The following SDK1 variants were observed in gnomAD, a reference collection of about 807,000 sequenced individuals.
The protein encoded by SDK1 is protein sidekick-1.
A neutral mutation model predicts 245.5 loss-of-function variants in SDK1; 157 were observed. The observed-to-expected ratio is 0.64, with a 90% CI of 0.56 to 0.73. SDK1 has a LOEUF of 0.73. Among genes scored for constraint, SDK1 ranks in the 30% least tolerant of loss-of-function variants. The pLI is 0.00. For synonymous variants in SDK1, 1,647 were observed against 1,278.5 expected, an observed-to-expected ratio of 1.29 and a Z score of -6.15; for missense variants, 3,583 against 3,002.3, an observed-to-expected ratio of 1.19 and a Z score of -4.52.
At chr7:4,081,787 C>G (rs1468011851) in intron 22 of SDK1, among the ~76,000 whole-genome samples, 1 of 152,060 alleles carries the variant, frequency 6.6e-6, no homozygotes, top group African/African-American at 2.4e-5. Flanking sequence ...AGAGTAAGCC[C>G]TCTTATACCC....
chr7:3,585,738 G>T (rs1022405557), intron 1 of SDK1, among the ~76,000 whole-genome samples: 13 of 152,142 alleles, frequency 8.5e-5, no homozygotes, highest in Admixed American at 8.5e-4. Flanking sequence ...CAGTACATCA[G>T]GATTGAGCAC....
chr7:4,046,399 G>A (rs888045028), intron 17 of SDK1, among the ~76,000 whole-genome samples: 67 of 152,018 alleles, frequency 4.4e-4, no homozygotes, highest in African/African-American at 1.5e-3. Context: ...CTAACCCAGT[G>A]TCATAACTGT....
At chr7:4,076,030 G>A (rs187961493) in intron 20 of SDK1, among the ~76,000 whole-genome samples, 3 of 152,284 alleles carry the variant, frequency 2.0e-5, no homozygotes, top group East Asian at 1.9e-4. Flanking sequence ...CCACTGGCCT[G>A]AAGAGAGTAT....
At chr7:4,102,575 A>G (rs932266264) in intron 22 of SDK1, among the ~76,000 whole-genome samples, 4 of 152,136 alleles carry the variant, frequency 2.6e-5, no homozygotes, top group Non-Finnish European at 4.4e-5. Flanking sequence ...CTTTGGGATG[A>G]GGTTAATGAC....
At chr7:3,346,827 A>ATATATAATTTTTTTTTT (rs1228887289) in intron 1 of SDK1, among the ~76,000 whole-genome samples, 3 of 16,388 alleles carry the variant, frequency 1.8e-4, no homozygotes, top group Admixed American at 1.1e-3. Context: ...ATATATATAT[A>ATATATAATTTTTTTTTT]TTTTTTTTTT....
intron 17 of SDK1, among the ~76,000 whole-genome samples, chr7:4,040,849 A>AT (rs1788577074): frequency 6.6e-6 from 1 of 152,174 alleles, no homozygotes; most frequent in Non-Finnish European, 1.5e-5. Flanking sequence ...TGGAGCCTCC[A>AT]TGTTGAATGT....
intron 1 of SDK1, among the ~76,000 whole-genome samples, chr7:3,573,912 C>G (rs964275065): frequency 6.6e-6 from 1 of 152,020 alleles, no homozygotes; most frequent in East Asian, 1.9e-4. Context: ...GTTTTGTGTC[C>G]TTTTTATGAC....
At chr7:3,574,495 A>C (rs188617840) in intron 1 of SDK1, among the ~76,000 whole-genome samples, 1 of 152,056 alleles carries the variant, frequency 6.6e-6, no homozygotes, top group African/African-American at 2.4e-5. Context: ...GGTTTAAGGT[A>C]ACCAACGGGG....
chr7:3,417,225 G>T (rs1779392120), intron 1 of SDK1, among the ~76,000 whole-genome samples: 1 of 152,122 alleles, frequency 6.6e-6, no homozygotes, highest in East Asian at 1.9e-4. Flanking sequence ...GCAGGCTGAG[G>T]TTCTAGTTTT....
intron 1 of SDK1, among the ~76,000 whole-genome samples, chr7:3,403,271 T>A (rs1367884716): frequency 6.6e-6 from 1 of 152,156 alleles, no homozygotes; most frequent in African/African-American, 2.4e-5. Flanking sequence ...TATTAGAAGA[T>A]CTCTAAGATT....
At chr7:3,316,619 A>G (rs1036255147) in intron 1 of SDK1, among the ~76,000 whole-genome samples, 1 of 152,212 alleles carries the variant, frequency 6.6e-6, no homozygotes, top group Non-Finnish European at 1.5e-5. Context: ...TGCTTGGATC[A>G]CAGAAATGTG....
chr7:3,507,806 C>G (rs1022271824), intron 1 of SDK1, among the ~76,000 whole-genome samples: 2 of 152,182 alleles, frequency 1.3e-5, no homozygotes, highest in African/African-American at 4.8e-5. Flanking sequence ...TTGTCTTAAA[C>G]CGCCATATCT....
intron 4 of SDK1, among the ~76,000 whole-genome samples, chr7:3,776,859 A>G (rs1319055044): frequency 6.6e-6 from 1 of 152,210 alleles, no homozygotes; most frequent in Non-Finnish European, 1.5e-5. Context: ...GTAGTCTTGC[A>G]TAACCACCAT....
intron 5 of SDK1, among the ~76,000 whole-genome samples, chr7:3,921,467 C>T (rs944272370): frequency 2.6e-5 from 4 of 152,184 alleles, no homozygotes; most frequent in African/African-American, 9.7e-5. Flanking sequence ...TATTTCTTTA[C>T]AATAAATTCC....
intron 5 of SDK1, among the ~76,000 whole-genome samples, chr7:3,904,033 C>T (rs11974357): frequency 0.28 from 43,142 of 152,024 alleles, 7,726 homozygotes; most frequent in African/African-American, 0.51. Context: ...TCTTGAACTT[C>T]CCAGCCATCA....
chr7:3,903,774 G>A (rs1314792705), intron 5 of SDK1, among the ~76,000 whole-genome samples: 9 of 152,136 alleles, frequency 5.9e-5, no homozygotes, highest in African/African-American at 2.2e-4. Flanking sequence ...CCGTGTTGGA[G>A]GTGGGGCCTC....
chr7:3,739,800 G>A (rs1443985593), intron 4 of SDK1, among the ~76,000 whole-genome samples: 1 of 151,834 alleles, frequency 6.6e-6, no homozygotes, highest in East Asian at 1.9e-4. Context: ...CCCCGTGTAT[G>A]CTCCATACCT....
At chr7:3,908,917 GTTTC>G (rs1451973929) in intron 5 of SDK1, among the ~76,000 whole-genome samples, 1 of 151,534 alleles carries the variant, frequency 6.6e-6, no homozygotes, top group African/African-American at 2.4e-5. Flanking sequence ...TCCCTAGGAT[GTTTC>G]TTCTACCAGT....
In SDK1 at chr7:4,170,671, A is replaced by G. The variant is rs138882547; in HGVS notation, c.4801-3551A>G. Reference sequence around the variant, plus strand: ...CTAATTTTTAAAGACTAAGAGTAAAACAACTGAAAACCTAAAAGCTGCTCT... The same window carrying G: ...CTAATTTTTAAAGACTAAGAGTAAAGCAACTGAAAACCTAAAAGCTGCTCT... On this transcript the variant is annotated intron_variant, in intron 32 of 44. Transcript: ENST00000404826. Among the ~76,000 whole-genome samples, 53 of 152,254 alleles carry G rather than the reference A, an allele frequency of 3.5e-4. No homozygotes were observed. The East Asian group carries it at 9.1e-3, about 26-fold the overall frequency.
Sources: gnomAD v4.1 joint callset for allele counts (sites outside exome capture counted in the v4.1 genomes callset) on GRCh38, gnomAD v4.1.1 for gene constraint, MANE v1.5 for transcripts, NCBI Gene and HGNC (gene_info 2026-07-23, HGNC 2026-07-21) for gene names.